The following PECR variants were observed in gnomAD, a reference collection of about 807,000 sequenced individuals.
The protein encoded by PECR is peroxisomal trans-2-enoyl-CoA reductase, also known as 2,4-dienoyl-CoA reductase-related protein.
A neutral mutation model predicts 35.3 loss-of-function variants in PECR; 30 were observed. The observed-to-expected ratio is 0.85, with a 90% CI of 0.64 to 1.15. PECR has a LOEUF of 1.15. Ranked by LOEUF, PECR falls within the 50% of genes most tolerant of loss-of-function variation. The pLI is 0.00. For missense variants in PECR, 392 were observed against 370.8 expected (o/e 1.06, Z -0.47); for synonymous variants, 148 against 138.9 (o/e 1.07, Z -0.46).
intron 4 of PECR, among the ~76,000 whole-genome samples, chr2:216,054,766 T>C (rs1458314951): frequency 2.0e-5 from 3 of 152,186 alleles, no homozygotes; most frequent in African/African-American, 7.2e-5. Flanking sequence ...TCTACAGTCA[T>C]AGATGTTGTA....
intron 4 of PECR, among the ~76,000 whole-genome samples, chr2:216,056,239 G>A (rs1695223094): frequency 6.6e-6 from 1 of 151,980 alleles, no homozygotes; most frequent in South Asian, 2.1e-4. Flanking sequence ...TCTCTTAAGA[G>A]AGCTAAAATT....
intron 1 of PECR, among the ~76,000 whole-genome samples, chr2:216,077,366 G>A (rs1236545619): frequency 6.6e-6 from 1 of 150,450 alleles, no homozygotes; most frequent in Non-Finnish European, 1.5e-5. Flanking sequence ...ACTTAGCCGG[G>A]TGTGGTGGTG....
chr2:216,044,915 G>A (rs1247090861), intron 6 of PECR, among the ~76,000 whole-genome samples: 1 of 152,170 alleles, frequency 6.6e-6, no homozygotes, highest in Admixed American at 6.5e-5. Context: ...AGAATCACTA[G>A]GGATGCTTAC....
At chr2:216,051,630 C>G in intron 4 of PECR, 85 bp from the exon 5 acceptor site, 1 of 853,630 alleles carries the variant, frequency 1.2e-6, no homozygotes, top group Non-Finnish European at 2.0e-6. Context: ...TGCCAACTAC[C>G]TGACAGAATT....
At chr2:216,051,114 C>T (rs953211453) in intron 5 of PECR, among the ~76,000 whole-genome samples, 1 of 150,882 alleles carries the variant, frequency 6.6e-6, no homozygotes, top group Non-Finnish European at 1.5e-5. Flanking sequence ...GGTGAAAACC[C>T]ATCTCTACTA....
At chr2:216,056,039 C>T (rs185248958) in intron 4 of PECR, among the ~76,000 whole-genome samples, 6 of 152,266 alleles carry the variant, frequency 3.9e-5, no homozygotes, top group Admixed American at 1.3e-4. Context: ...TGCACACTTG[C>T]AAATACCTTT....
rs534124419 is a variant in PECR, at chr2:216,081,237, T to C, written c.124+381A>G. ...TGAGAAGATACTATGAGAGACTCACTATGTTCACAACTTTTTCCAGTTAAA... is the reference window on the plus strand; with the variant it reads ...TGAGAAGATACTATGAGAGACTCACCATGTTCACAACTTTTTCCAGTTAAA... On this transcript the variant is annotated intron_variant, in intron 1 of 7. Transcript: ENST00000265322. 2.0e-5 allele frequency among the ~76,000 whole-genome samples: 3 copies of C among 152,338 alleles called. No homozygotes were observed. In the East Asian group the frequency reaches 5.8e-4, roughly 29 times the overall value.
chr2:216,033,226 TTCC>T (rs1574668559), intron 7 of PECR, among the ~76,000 whole-genome samples: 1 of 152,162 alleles, frequency 6.6e-6, no homozygotes, highest in Non-Finnish European at 1.5e-5. Context: ...CCAACCCCCC[TTCC>T]TCCATTTTTT....
At chr2:216,046,304 A>AT (rs1559209216) in intron 6 of PECR, among the ~76,000 whole-genome samples, 4 of 115,134 alleles carry the variant, frequency 3.5e-5, no homozygotes, top group African/African-American at 1.6e-4. Flanking sequence ...ATATATATAT[A>AT]TATATATTTT....
chr2:216,035,230 T>G (rs1245957898), downstream of PECR, among the ~76,000 whole-genome samples: 1 of 152,210 alleles, frequency 6.6e-6, no homozygotes, highest in Non-Finnish European at 1.5e-5. Context: ...TTTTGCTTCC[T>G]GACCCGTGCA....
chr2:216,044,360 T>G (rs1694952974), intron 6 of PECR, among the ~76,000 whole-genome samples: 2 of 152,236 alleles, frequency 1.3e-5, no homozygotes, highest in African/African-American at 4.8e-5. Flanking sequence ...CTTCCTTCCA[T>G]GCCTTTCATT....
intron 1 of PECR, among the ~76,000 whole-genome samples, chr2:216,077,824 A>C (rs1337496525): frequency 6.6e-6 from 1 of 151,766 alleles, no homozygotes; most frequent in African/African-American, 2.4e-5. Context: ...AAAAAAAAAA[A>C]AATATGGATT....
chr2:216,037,482 T>C (rs958539072), downstream of PECR, among the ~76,000 whole-genome samples: 1 of 152,200 alleles, frequency 6.6e-6, no homozygotes, highest in Non-Finnish European at 1.5e-5. Flanking sequence ...TCTAACATGG[T>C]TTGTAATTCT....
At chr2:216,030,396 G>C (rs559015648) in intron 7 of PECR, among the ~76,000 whole-genome samples, 12 of 152,240 alleles carry the variant, frequency 7.9e-5, no homozygotes, top group African/African-American at 2.4e-4. Context: ...GTTCATGCCA[G>C]TTTCCTCAAC....
chr2:216,050,272 G>T (rs779925904), intron 5 of PECR, among the ~76,000 whole-genome samples: 5 of 152,144 alleles, frequency 3.3e-5, no homozygotes, highest in Non-Finnish European at 5.9e-5. Context: ...ATTTGTAATG[G>T]ATTCAAACTG....
chr2:216,072,960 G>A (rs1018770819), intron 1 of PECR, among the ~76,000 whole-genome samples: 1 of 152,104 alleles, frequency 6.6e-6, no homozygotes, highest in African/African-American at 2.4e-5. Context: ...CATAGAGCTT[G>A]TACAAAATAA....
Position 216,038,975 on chromosome 2 carries a change from G to A in PECR, c.*300C>T, listed in dbSNP as rs1204136101. ...ATCTTCTGGGAGTTCATGATCCCTA[G>A]AATTATCATTGATTTAAAATTATTC... On this transcript the variant is annotated 3_prime_UTR_variant, in exon 8 of 8. Transcript: ENST00000265322. 1 of 302,600 alleles carries A rather than the reference G, an allele frequency of 3.3e-6. No homozygotes were observed. Among genetic ancestry groups the A allele is most frequent in the Non-Finnish European group, 6.4e-6 (1 of 156,738 alleles). The allele number at this position is 302,600 out of a possible 1,614,324, so 18.7% of individuals were successfully genotyped here.
intron 4 of PECR, 66 bp downstream of exon 4, chr2:216,058,829 C>A: frequency 1.2e-6 from 1 of 852,318 alleles, no homozygotes; most frequent in Non-Finnish European, 2.0e-6. Context: ...TGTTCCCTAA[C>A]ATGCTTCCCC....
At chr2:216,077,924 T>C (rs886131381) in intron 1 of PECR, among the ~76,000 whole-genome samples, 5 of 151,760 alleles carry the variant, frequency 3.3e-5, no homozygotes, top group Non-Finnish European at 5.9e-5. Flanking sequence ...TAAAATTGTC[T>C]TCGTCTTTTA....
Sources: allele counts gnomAD v4.1 joint callset (sites outside exome capture counted in the v4.1 genomes callset), GRCh38; gene constraint gnomAD v4.1.1; transcripts MANE v1.5; gene names NCBI Gene and HGNC (gene_info 2026-07-23, HGNC 2026-07-21).